Variants in HEG1 observed in about 807,000 individuals in gnomAD.
HEG1 encodes the protein protein HEG homolog 1.
In HEG1, 56 loss-of-function variants were observed where a neutral mutation model predicts 125.6. The observed-to-expected ratio is 0.45, with a 90% confidence interval of 0.36 to 0.56. HEG1 has a LOEUF of 0.56. Ranked by LOEUF, HEG1 falls within the 20% of genes least tolerant of loss-of-function variation. The pLI is 0.00. For missense variants in HEG1, 1,523 were observed against 1,670.0 expected (o/e 0.91, Z 1.53); for synonymous variants, 644 against 668.5 (o/e 0.96, Z 0.57).
intron 9 of HEG1, among the ~76,000 whole-genome samples, chr3:125,003,636 T>C (rs1011389497): frequency 2.6e-5 from 4 of 152,128 alleles, no homozygotes; most frequent in Admixed American, 6.5e-5. Flanking sequence ...TTGGGTAACA[T>C]GGTATCAGCT....
At position 124,966,269 on chromosome 3, in the gene HEG1, G is replaced by C. The variant is rs1936311612; in HGVS notation, c.*4383C>G. ...AGGTGACAGACCCAGTCTCGGACCT[G>C]TCGCTTTTTAGACCTGAATGGTCCC... On this transcript the variant is annotated 3_prime_UTR_variant, in exon 17 of 17. Coordinates refer to ENST00000311127, the MANE Select transcript of HEG1 (RefSeq NM_020733.2). 1 of 152,220 alleles carries C rather than the reference G, an allele frequency of 6.6e-6. No homozygotes were observed. Among genetic ancestry groups the C allele is most frequent in the South Asian group, 2.1e-4 (1 of 4,828 alleles). The allele number at this position is 152,220 out of a possible 1,614,324, so 9.4% of individuals were successfully genotyped here.
intron 5 of HEG1, among the ~76,000 whole-genome samples, chr3:125,017,263 C>A (rs932242872): frequency 6.6e-6 from 1 of 152,120 alleles, no homozygotes; most frequent in Non-Finnish European, 1.5e-5. Flanking sequence ...CCATGTTGGC[C>A]GGGCTGGTCT....
chr3:124,977,872 C>T lies in HEG1; in HGVS notation c.3808G>A (p.Val1270Ile), dbSNP rs748649716. The change falls in exon 15 of 17, where the codon GTT (valine) becomes ATT (isoleucine). Residue 1270 changes from valine (V) to isoleucine (I), a missense_variant. By Grantham distance (29) the Val-to-Ile change is conservative (BLOSUM62 3). Coordinates refer to ENST00000311127, the MANE Select transcript of HEG1 (RefSeq NM_020733.2). ...LLLILGIALI[V>I]TCCRKNKNDI... is the part of the protein sequence containing the mutation. ...CTCATCACTTACCTGCAACAGGTAACAATCAGTGCGATGCCTAGGATGAGC... is the reference window on the plus strand; with the variant it reads ...CTCATCACTTACCTGCAACAGGTAATAATCAGTGCGATGCCTAGGATGAGC... 49 of 1,570,528 alleles carry T rather than the reference C, an allele frequency of 3.1e-5. No individual in the cohort carries two copies. In the Middle Eastern group the frequency reaches 6.7e-4, roughly 21 times the overall value.
At position 125,013,643 on chromosome 3, in the gene HEG1, A is replaced by C. The variant is rs1937196701; in HGVS notation, c.1936T>G (p.Ser646Ala). 1 of 1,611,924 alleles carries C rather than the reference A, an allele frequency of 6.2e-7. No homozygotes were observed. The highest frequency in any genetic ancestry group is 8.5e-7 in the Non-Finnish European group (1 of 1,178,912). The change falls in exon 6 of 17, where the codon TCG becomes GCG. Residue 646 changes from serine to alanine, a missense_variant. By Grantham distance (99) the Ser-to-Ala change is moderately conservative. Transcript: ENST00000311127. ...YTPTINMPNT[S>A]VVLDTDAEFV... ...TCAGCATCAGTGTCCAGAACAACCGAAGTGTTCGGCATATTAATGGTGGGT... is the reference window on the plus strand; with the variant it reads ...TCAGCATCAGTGTCCAGAACAACCGCAGTGTTCGGCATATTAATGGTGGGT...
At chr3:124,995,486 A>G (rs1388568530) in intron 12 of HEG1, among the ~76,000 whole-genome samples, 1 of 152,230 alleles carries the variant, frequency 6.6e-6, no homozygotes, top group Non-Finnish European at 1.5e-5. Flanking sequence ...TGCAGAGAAC[A>G]TAGAGACTTG....
At chr3:124,987,614 C>A (rs565527579) in intron 14 of HEG1, among the ~76,000 whole-genome samples, 5 of 136,000 alleles carry the variant, frequency 3.7e-5, no homozygotes, top group African/African-American at 8.7e-5. Context: ...GCTCCGCCCC[C>A]CCAGGTTCAC....
chr3:125,004,515 G>A (rs957090529), intron 9 of HEG1, among the ~76,000 whole-genome samples: 6 of 151,762 alleles, frequency 4.0e-5, no homozygotes, highest in South Asian at 2.1e-4. Context: ...TTTGAGACAG[G>A]GTCTCACTCT....
rs1221144776 is a variant in HEG1 at position 125,027,190 on chromosome 3, G to T, written c.913+15C>A. On this transcript the variant is annotated intron_variant, in intron 3 of 16. Coordinates refer to ENST00000311127, the MANE Select transcript of HEG1 (RefSeq NM_020733.2). ...GAGTGACTTCCGAGTGTTAAGCTGG[G>T]TATGTGGCACTCACATGAGGAAAGG... The T allele has an allele frequency of 6.4e-7, 1 of 1,569,952 alleles. No individual in the cohort carries two copies. Among genetic ancestry groups the T allele is most frequent in the Admixed American group, 1.8e-5 (1 of 54,664 alleles).
intron 1 of HEG1, among the ~76,000 whole-genome samples, chr3:125,052,985 G>A (rs1440727475): frequency 6.6e-6 from 1 of 152,194 alleles, no homozygotes; most frequent in African/African-American, 2.4e-5. Flanking sequence ...AAGTCCCAGG[G>A]GCCAGGCCCT....
rs1579407603 is a variant in HEG1, at chr3:124,997,973, C to CA, written c.3518-151dup. 7 of 827,302 alleles carry CA rather than the reference C, an allele frequency of 8.5e-6. No homozygotes were observed. The East Asian group carries it at 2.0e-4, about 24-fold the overall frequency. 51.2% of individuals were successfully genotyped at this position (827,302 alleles called of 1,614,324 possible). A position where few individuals can be genotyped will look rare whatever the true frequency, so the allele number is the denominator to read the frequency against. ...TTTCCGAAAAGTCTCCACAGAGCAA[C>CA]ACTCCTCTCAGGAGTCCATCTGTAC... On this transcript the variant is annotated intron_variant, in intron 11 of 16. Coordinates refer to ENST00000311127, the MANE Select transcript of HEG1 (RefSeq NM_020733.2).
intron 14 of HEG1, among the ~76,000 whole-genome samples, chr3:124,979,096 C>T (rs1050823378): frequency 2.6e-5 from 4 of 151,994 alleles, no homozygotes; most frequent in South Asian, 2.1e-4. Context: ...ATTACAGACA[C>T]GTGCCACCAT....
At chr3:125,007,779 A>G (rs1322061191) in intron 8 of HEG1, among the ~76,000 whole-genome samples, 3 of 152,192 alleles carry the variant, frequency 2.0e-5, no homozygotes, top group Non-Finnish European at 4.4e-5. Context: ...GGGCAAATAC[A>G]CTTTCCCCAC....
intron 9 of HEG1, among the ~76,000 whole-genome samples, chr3:125,003,648 A>G (rs969933014): frequency 1.1e-4 from 16 of 152,188 alleles, no homozygotes; most frequent in African/African-American, 3.9e-4. Flanking sequence ...GTATCAGCTC[A>G]ACCTCTAGAG....
Position 125,012,817 on chromosome 3 carries a change from G to A in HEG1, c.2762C>T (p.Pro921Leu). Residue 921 changes from proline (P) to leucine (L), a missense_variant, in exon 6 of 17, where the codon CCC (proline) becomes CTC (leucine). By Grantham distance (98) the Pro-to-Leu change is moderately conservative (BLOSUM62 -3). Coordinates refer to ENST00000311127, the MANE Select transcript of HEG1 (RefSeq NM_020733.2). ...TGTGGTCATTTCTTTTGCTGATGTGGGTACACTGGTCAAAGGGATCAATCC... is the reference window on the plus strand; with the variant it reads ...TGTGGTCATTTCTTTTGCTGATGTGAGTACACTGGTCAAAGGGATCAATCC... ...TTGLIPLTSV[P>L]TSAKEMTTKL... is the part of the protein sequence containing the mutation. The A allele has an allele frequency of 1.2e-6, 2 of 1,613,966 alleles. No individual in the cohort carries two copies. The highest frequency in any genetic ancestry group is 1.3e-5 in the African/African-American group (1 of 75,048).
At chr3:125,054,415 T>G (rs1478802014) in intron 1 of HEG1, among the ~76,000 whole-genome samples, 1 of 152,238 alleles carries the variant, frequency 6.6e-6, no homozygotes, top group Non-Finnish European at 1.5e-5. Context: ...AGAACTTGAT[T>G]TTTAAAAATC....
intron 5 of HEG1, among the ~76,000 whole-genome samples, chr3:125,017,328 TACAGGCGTAAGCCA>T (rs1937266401): frequency 6.6e-6 from 1 of 152,244 alleles, no homozygotes; most frequent in African/African-American, 2.4e-5. Context: ...GTGCTGGGAT[TACAGGCGTAAGCCA>T]CCACAGCCGG....
chr3:124,997,915 A>G lies in HEG1; in HGVS notation c.3518-92T>C, dbSNP rs960966067. On this transcript the variant is annotated intron_variant, in intron 11 of 16. Coordinates refer to ENST00000311127, the MANE Select transcript of HEG1 (RefSeq NM_020733.2). ...TCCACTTCAAAGCTCATGTGTCTGC[A>G]TGAACTCTCTATTTCAAGAGGCTGA... 28 of 1,348,618 alleles carry G rather than the reference A, an allele frequency of 2.1e-5. 1 individual carries two copies. The highest frequency in any genetic ancestry group is 2.5e-5 in the Non-Finnish European group (25 of 1,020,068). 83.5% of individuals were successfully genotyped at this position (1,348,618 alleles called of 1,614,324 possible).
rs1560010783 is a variant in HEG1, at chr3:124,967,750, C to T, written c.*2902G>A. On this transcript the variant is annotated 3_prime_UTR_variant, in exon 17 of 17. Transcript: ENST00000311127. ...ACCTGAGAAATGGGCACTTCCATGCCCACCTCTCAAGGATACTGTGAGGAG... is the reference window on the plus strand; with the variant it reads ...ACCTGAGAAATGGGCACTTCCATGCTCACCTCTCAAGGATACTGTGAGGAG... The T allele has an allele frequency of 6.6e-6, 1 of 152,164 alleles. No homozygotes were observed. Among genetic ancestry groups the T allele is most frequent in the Non-Finnish European group, 1.5e-5 (1 of 68,082 alleles). The allele number at this position is 152,164 out of a possible 1,614,324, so 9.4% of individuals were successfully genotyped here. A position where few individuals can be genotyped will look rare whatever the true frequency, so the allele number is the denominator to read the frequency against.
At chr3:125,039,906 G>T (rs576348713) in intron 1 of HEG1, among the ~76,000 whole-genome samples, 1 of 151,314 alleles carries the variant, frequency 6.6e-6, no homozygotes, top group Non-Finnish European at 1.5e-5. Context: ...AAACACAACT[G>T]TGCTGACCTT....
Sources: allele counts gnomAD v4.1 joint callset (sites outside exome capture counted in the v4.1 genomes callset), GRCh38; gene constraint gnomAD v4.1.1; transcripts MANE v1.5; gene names NCBI Gene and HGNC (gene_info 2026-07-23, HGNC 2026-07-21).